The following FBXO17 variants were observed in gnomAD, a reference collection of about 807,000 sequenced individuals.
FBXO17 encodes F-box only protein 17.
A neutral mutation model predicts 34.1 loss-of-function variants in FBXO17; 43 were observed. That is an observed-to-expected ratio of 1.26 (90% CI 0.99 to 1.62). The LOEUF (loss-of-function observed/expected upper bound fraction) is 1.62, where lower values mean the gene tolerates loss of function less well. FBXO17 is among the 40% of genes most tolerant of loss of function. The pLI, the probability that FBXO17 is intolerant of heterozygous loss-of-function variation, is 0.00. For missense variants in FBXO17, 424 were observed against 386.7 expected (o/e 1.10, Z -0.81); for synonymous variants, 169 against 166.0 (o/e 1.02, Z -0.14).
At chr19:38,949,938 C>A (rs767110723) in intron 2 of FBXO17, 33 bp downstream of exon 2, 4 of 1,487,390 alleles carry the variant, frequency 2.7e-6, no homozygotes, top group Non-Finnish European at 3.6e-6. Context: ...CGCGGCCCCC[C>A]TCAGCCTCCT....
In FBXO17 at chr19:38,946,486, G is replaced by A; in HGVS notation, c.543C>T (p.Ile181=). 1 of 1,614,080 alleles carries A rather than the reference G, an allele frequency of 6.2e-7. No individual in the cohort carries two copies. Among genetic ancestry groups the A allele is most frequent in the Non-Finnish European group, 8.5e-7 (1 of 1,179,944 alleles). ...TCCTCACTCACCAGTCAGCCACACAGATCTCAATCTGGGCGCTGTCCAGCA... is the reference window on the plus strand; with the variant it reads ...TCCTCACTCACCAGTCAGCCACACAAATCTCAATCTGGGCGCTGTCCAGCA... ...QELLDSAQIE[I]CVADWWGARE... The change falls in exon 4 of 6, where the codon ATC becomes ATT. Residue 181 remains isoleucine, a synonymous_variant. Transcript: ENST00000292852.
chr19:38,960,997 G>A (rs928738949), intron 1 of FBXO17, among the ~76,000 whole-genome samples: 5 of 150,806 alleles, frequency 3.3e-5, no homozygotes, highest in Non-Finnish European at 5.9e-5. Flanking sequence ...TAGTAGAGAC[G>A]GGGTTTCACT....
Position 38,962,567 on chromosome 19 carries a change from G to C in FBXO17, c.-17-12231C>G, listed in dbSNP as rs200875697. ...GCATTCTACTGGTGCCGCACCATAG[G>C]GATGCCTTTGTCCTTCGGTGAGCCA... is the stretch of plus-strand genomic sequence containing the variant. On this transcript the variant is annotated intron_variant, in intron 1 of 5. Coordinates refer to ENST00000292852, the MANE Select transcript of FBXO17 (RefSeq NM_024907.7). 9.9e-5 allele frequency among the ~76,000 whole-genome samples: 15 copies of C among 152,240 alleles called. No individual in the cohort carries two copies. The East Asian group carries it at 2.7e-3, about 27-fold the overall frequency.
rs188739409 is a variant in FBXO17, at chr19:38,964,396, C to T, written c.-18+11190G>A. 2.1e-3 allele frequency among the ~76,000 whole-genome samples: 321 copies of T among 151,692 alleles called. 1 individual carries two copies. Among genetic ancestry groups the T allele is most frequent in the African/African-American group, 7.5e-3 (310 of 41,376 alleles). ...TGTCACCCAGGCTGGAGTGCAGTGG[C>T]GTGATCTCGGCTCACTGCAACCTCT... On this transcript the variant is annotated intron_variant, in intron 1 of 5. Transcript: ENST00000292852.
At chr19:38,945,285 G>A in intron 4 of FBXO17, 181 bp from the exon 5 acceptor site, 1 of 762,336 alleles carries the variant, frequency 1.3e-6, no homozygotes, top group Non-Finnish European at 2.0e-6. Context: ...GGTGGAACCA[G>A]AGCCTGGCGG....
At chr19:38,946,716 G>T in intron 3 of FBXO17, 149 bp from the exon 4 acceptor site, 1 of 1,110,654 alleles carries the variant, frequency 9.0e-7, no homozygotes, top group Non-Finnish European at 1.3e-6. Context: ...ATGCATGATG[G>T]GCTATACATC....
rs1974888983 is a variant in FBXO17, at chr19:38,941,724, C to T, written c.*884G>A. Reference sequence around the variant, plus strand: ...GCCCTCGTTCCAGTAAACCCACAACCTTCAGGGTGGGGGTCATGGCCATCA... The same window carrying T: ...GCCCTCGTTCCAGTAAACCCACAACTTTCAGGGTGGGGGTCATGGCCATCA... On this transcript the variant is annotated 3_prime_UTR_variant, in exon 6 of 6. Transcript: ENST00000292852. 6.6e-6 allele frequency: 1 copy of T among 152,170 alleles called. No homozygotes were observed. Among genetic ancestry groups the T allele is most frequent in the African/African-American group, 2.4e-5 (1 of 41,444 alleles). The allele number at this position is 152,170 out of a possible 1,614,324, so 9.4% of individuals were successfully genotyped here. A position where few individuals can be genotyped will look rare whatever the true frequency, so the allele number is the denominator to read the frequency against.
chr19:38,946,734 G>A, intron 3 of FBXO17, 167 bp from the exon 4 acceptor site: 1 of 984,828 alleles, frequency 1.0e-6, no homozygotes. Flanking sequence ...ATCTCTCCTT[G>A]GCCTCTTGGA....
chr19:38,969,067 A>G (rs535220948), intron 1 of FBXO17, among the ~76,000 whole-genome samples: 2 of 152,324 alleles, frequency 1.3e-5, no homozygotes, highest in South Asian at 4.1e-4. Context: ...GCTGATTAAA[A>G]AAACACAGCA....
chr19:38,956,333 CTTAT>C (rs1473192015), intron 1 of FBXO17, among the ~76,000 whole-genome samples: 2 of 151,608 alleles, frequency 1.3e-5, no homozygotes, highest in African/African-American at 4.8e-5. Context: ...CTGACACAGG[CTTAT>C]TTCTTTTTTT....
intron 1 of FBXO17, among the ~76,000 whole-genome samples, chr19:38,970,268 C>A (rs992374229): frequency 1.3e-5 from 2 of 151,874 alleles, no homozygotes; most frequent in Admixed American, 1.3e-4. Context: ...AGTGCATGGC[C>A]ACGATCATAG....
chr19:38,952,558 G>C (rs374255891), intron 1 of FBXO17: 177 of 534,300 alleles, frequency 3.3e-4, no homozygotes, highest in Admixed American at 1.5e-3. Flanking sequence ...CCCCAGCGAT[G>C]AATCTCATCA....
In FBXO17 at chr19:38,955,133, A is replaced by G. The variant is rs563144258; in HGVS notation, c.-17-4797T>C. Reference sequence around the variant, plus strand: ...TTTTTAGTAGAGACGGGGTTTCACCATGTTAGCCAGGATGGTCTCGATCTC... The same window carrying G: ...TTTTTAGTAGAGACGGGGTTTCACCGTGTTAGCCAGGATGGTCTCGATCTC... On this transcript the variant is annotated intron_variant, in intron 1 of 5. Transcript: ENST00000292852. Among the ~76,000 whole-genome samples the G allele has an allele frequency of 2.2e-3, 331 of 151,098 alleles. 1 individual carries two copies. The highest frequency in any genetic ancestry group is 7.8e-3 in the African/African-American group (321 of 41,164).
chr19:38,950,227 G>T lies in FBXO17; in HGVS notation c.93C>A (p.Ser31Arg). ...TGACCAAGGAGCGTGGCGGCACGTG[G>T]CTCAGCACCTGCACCAGCAGCTCCG... ...LPPELLVQVL[S>R]HVPPRSLVTR... The change falls in exon 2 of 6, where the codon AGC (serine) becomes AGA (arginine). Residue 31 changes from serine to arginine, a missense_variant. Ser to Arg is a moderately radical substitution (Grantham distance 110, BLOSUM62 -1). Transcript: ENST00000292852. The T allele has an allele frequency of 6.5e-7, 1 of 1,540,944 alleles. No individual in the cohort carries two copies.
chr19:38,971,788 TA>T (rs112057658), intron 1 of FBXO17, among the ~76,000 whole-genome samples: 521 of 134,732 alleles, frequency 3.9e-3, no homozygotes, highest in Admixed American at 4.2e-3. Flanking sequence ...CTGTGCCAAT[TA>T]AAAAAAAAAA....
chr19:38,949,787 G>A (rs1305774132), intron 2 of FBXO17, 184 bp downstream of exon 2: 2 of 736,416 alleles, frequency 2.7e-6, no homozygotes, highest in Non-Finnish European at 2.1e-6. Flanking sequence ...CGGATTCCCG[G>A]CTTCACCTTC....
intron 4 of FBXO17, 127 bp downstream of exon 4, chr19:38,946,345 C>T: frequency 6.9e-7 from 1 of 1,450,994 alleles, no homozygotes; most frequent in South Asian, 1.3e-5. Flanking sequence ...CCCTCTCAGC[C>T]TCATCACAAA....
rs112261517 is a variant in FBXO17 at position 38,957,576 on chromosome 19, C to T, written c.-17-7240G>A. ...GGCCAGGCTGGTCTTGAATGCCTGA[C>T]CTTGTGATCCGCCCGCCTAGGCCTC... On this transcript the variant is annotated intron_variant, in intron 1 of 5. Coordinates refer to ENST00000292852, the MANE Select transcript of FBXO17 (RefSeq NM_024907.7). Among the ~76,000 whole-genome samples, 544 of 152,240 alleles carry T rather than the reference C, an allele frequency of 3.6e-3. 2 individuals are homozygous for T. The highest frequency in any genetic ancestry group is 0.012 in the African/African-American group (513 of 41,564).
At chr19:38,946,210 G>T in intron 4 of FBXO17, 1 of 548,784 alleles carries the variant, frequency 1.8e-6, no homozygotes, top group Middle Eastern at 4.9e-4. Flanking sequence ...GTTTCAGAGG[G>T]GTATCAAGCC....
Sources: gnomAD v4.1 joint callset for allele counts (sites outside exome capture counted in the v4.1 genomes callset) on GRCh38, gnomAD v4.1.1 for gene constraint, MANE v1.5 for transcripts, NCBI Gene and HGNC (gene_info 2026-07-23, HGNC 2026-07-21) for gene names.